CENPP: variants seen among roughly 807,000 people sequenced by gnomAD.
The protein encoded by CENPP is centromere protein P.
In CENPP, 24 loss-of-function variants were observed where a neutral mutation model predicts 35.6. The ratio of observed to expected loss-of-function variants is 0.67; its 90% CI spans 0.49 to 0.95. The LOEUF (loss-of-function observed/expected upper bound fraction) is 0.95, where lower values mean the gene tolerates loss of function less well. Among genes scored for constraint, CENPP ranks in the 40% least tolerant of loss-of-function variants. The pLI is 0.00. For missense variants in CENPP, 332 were observed against 345.3 expected (o/e 0.96, Z 0.31); for synonymous variants, 120 against 125.5 (o/e 0.96, Z 0.29).
At chr9:92,585,300 G>A (rs1373738576) in intron 5 of CENPP, among the ~76,000 whole-genome samples, 1 of 152,174 alleles carries the variant, frequency 6.6e-6, no homozygotes, top group Admixed American at 6.5e-5. Context: ...TTTGAGGGGG[G>A]ATAGTGACAT....
chr9:92,517,815 G>A, intron 5 of CENPP: 1 of 1,614,170 alleles, frequency 6.2e-7, no homozygotes, highest in Non-Finnish European at 8.5e-7. Flanking sequence ...GCAGGGCTCA[G>A]GCGACCACAC....
intron 5 of CENPP, among the ~76,000 whole-genome samples, chr9:92,497,781 G>A (rs1462235565): frequency 6.6e-6 from 1 of 151,576 alleles, no homozygotes; most frequent in African/African-American, 2.4e-5. Flanking sequence ...GGGTCATGGG[G>A]GGCAAGTCAC....
chr9:92,600,763 AC>A (rs998808080), intron 5 of CENPP, among the ~76,000 whole-genome samples: 1 of 152,228 alleles, frequency 6.6e-6, no homozygotes, highest in African/African-American at 2.4e-5. Flanking sequence ...TGTTTGTTTT[AC>A]TAAGCAACAT....
intron 5 of CENPP, among the ~76,000 whole-genome samples, chr9:92,394,637 C>A (rs946503247): frequency 2.0e-5 from 3 of 151,774 alleles, no homozygotes; most frequent in African/African-American, 7.3e-5. Context: ...TGAAGTCTCG[C>A]TTCGTCACCC....
chr9:92,569,332 T>A (rs1247993762), intron 5 of CENPP, among the ~76,000 whole-genome samples: 1 of 152,228 alleles, frequency 6.6e-6, no homozygotes, highest in Non-Finnish European at 1.5e-5. Context: ...GTTTATTAAA[T>A]AGGGAATCCT....
chr9:92,619,636 C>T lies in CENPP; in HGVS notation c.*6487C>T. The T allele has an allele frequency of 7.4e-7, 1 of 1,360,038 alleles. No homozygotes were observed. The highest frequency in any genetic ancestry group is 1.2e-5 in the South Asian group (1 of 80,298). The allele number at this position is 1,360,038 out of a possible 1,614,324, so 84.2% of individuals were successfully genotyped here. ...TGCCCCCCCACACAACCTTCCTTCC[C>T]AGTAGCCAAGTGTGGGAACTGCTTC... is the stretch of plus-strand genomic sequence containing the variant. On this transcript the variant is annotated 3_prime_UTR_variant, in exon 8 of 8. Transcript: ENST00000375587.
At chr9:92,520,034 C>T (rs1295999055) in intron 5 of CENPP, among the ~76,000 whole-genome samples, 1 of 79,124 alleles carries the variant, frequency 1.3e-5, no homozygotes, top group Admixed American at 1.0e-4. Context: ...GTAATTCCAG[C>T]ACTTTGGGAG....
chr9:92,345,855 T>A, intron 4 of CENPP, 68 bp downstream of exon 4: 1 of 889,706 alleles, frequency 1.1e-6, no homozygotes, highest in Admixed American at 2.1e-5. Context: ...GTTTTAAGTT[T>A]ACCTTTTCCT....
chr9:92,468,870 A>G (rs1845409507), intron 5 of CENPP, among the ~76,000 whole-genome samples: 1 of 152,184 alleles, frequency 6.6e-6, no homozygotes, highest in Non-Finnish European at 1.5e-5. Flanking sequence ...TCCTGATACC[A>G]TTTAGTTTCT....
At position 92,515,166 on chromosome 9, in the gene CENPP, A is replaced by T. The variant is rs371633512; in HGVS notation, c.565-96148A>T. ...AAGAATCACCAGAAAATTCATTTCT[A>T]TCATTTAATGCTATACCACTGAGTA... is the stretch of plus-strand genomic sequence containing the variant. On this transcript the variant is annotated intron_variant, in intron 5 of 7. Coordinates refer to ENST00000375587, the MANE Select transcript of CENPP (RefSeq NM_001012267.3). The T allele has an allele frequency of 3.7e-6, 6 of 1,608,572 alleles. No individual in the cohort carries two copies. The highest frequency in any genetic ancestry group is 1.3e-5 in the African/African-American group (1 of 74,528).
intron 5 of CENPP, among the ~76,000 whole-genome samples, chr9:92,449,698 C>T (rs1288207168): frequency 2.0e-5 from 3 of 151,978 alleles, no homozygotes; most frequent in African/African-American, 7.3e-5. Context: ...GAGCAGTTCT[C>T]ATGATAGTAA....
intron 4 of CENPP, among the ~76,000 whole-genome samples, chr9:92,378,363 T>A (rs959216928): frequency 1.3e-5 from 2 of 152,156 alleles, no homozygotes; most frequent in Non-Finnish European, 2.9e-5. Flanking sequence ...TCCTGGGGCC[T>A]TTTGGGTTAT....
At position 92,501,520 on chromosome 9, in the gene CENPP, A is replaced by G. The variant is rs951293341; in HGVS notation, c.565-109794A>G. On this transcript the variant is annotated intron_variant, in intron 5 of 7. Coordinates refer to ENST00000375587, the MANE Select transcript of CENPP (RefSeq NM_001012267.3). The stretch of plus-strand genomic sequence containing the variant: ...ACATTTTCATTCCACATTTGATTTG[A>G]TGACCTGGCACACCTGGGACTTGAG... Among the ~76,000 whole-genome samples the G allele has an allele frequency of 5.9e-5, 9 of 152,092 alleles. No homozygotes were observed. In the East Asian group the frequency reaches 1.7e-3, roughly 29 times the overall value.
At chr9:92,384,525 A>G (rs1272539868) in intron 5 of CENPP, 1 of 152,196 alleles carries the variant, frequency 6.6e-6, no homozygotes, top group Non-Finnish European at 1.5e-5. Context: ...TTATTTTAGA[A>G]ACTTTACTCT....
intron 5 of CENPP, among the ~76,000 whole-genome samples, chr9:92,549,198 G>A (rs148290194): frequency 1.1e-3 from 174 of 152,308 alleles, no homozygotes; most frequent in African/African-American, 3.9e-3. Flanking sequence ...TTGTTCTGTT[G>A]TGCTCCAGAG....
intron 5 of CENPP, among the ~76,000 whole-genome samples, chr9:92,427,211 G>A (rs1258915443): frequency 1.3e-5 from 2 of 152,210 alleles, no homozygotes; most frequent in African/African-American, 4.8e-5. Flanking sequence ...CGCCAAGGCT[G>A]GAGTGCAATG....
intron 4 of CENPP, among the ~76,000 whole-genome samples, chr9:92,364,999 G>A (rs1477662562): frequency 1.3e-5 from 2 of 152,290 alleles, no homozygotes; most frequent in Middle Eastern, 3.4e-3. Context: ...CAGACAAGTC[G>A]CTAGTGTTCC....
intron 4 of CENPP, among the ~76,000 whole-genome samples, chr9:92,369,106 A>T (rs1048541909): frequency 6.6e-6 from 1 of 152,226 alleles, no homozygotes; most frequent in Non-Finnish European, 1.5e-5. Flanking sequence ...CTAATAATAT[A>T]GTGAGGCTAA....
chr9:92,543,495 A>AG (rs1849362002), intron 5 of CENPP, among the ~76,000 whole-genome samples: 1 of 151,200 alleles, frequency 6.6e-6, no homozygotes, highest in Non-Finnish European at 1.5e-5. Context: ...AAAAAAAAAA[A>AG]AAAAAGATTG....
Sources: gnomAD v4.1 joint callset for allele counts (sites outside exome capture counted in the v4.1 genomes callset) on GRCh38, gnomAD v4.1.1 for gene constraint, MANE v1.5 for transcripts, NCBI Gene and HGNC (gene_info 2026-07-23, HGNC 2026-07-21) for gene names.